The following RARB variants were observed in gnomAD, a reference collection of about 807,000 sequenced individuals.
RARB encodes the protein HBV-activated protein.
In RARB, 17 loss-of-function variants were observed where a neutral mutation model predicts 51.9. The ratio of observed to expected loss-of-function variants is 0.33; its 90% CI spans 0.22 to 0.49. The LOEUF (loss-of-function observed/expected upper bound fraction) is 0.49. Ranked by LOEUF, RARB falls within the 20% of genes least tolerant of loss-of-function variation. The probability of loss-of-function intolerance (pLI) is 0.99; values close to 1 mark genes in which losing one functional copy is unlikely to be tolerated. For missense variants in RARB, 369 were observed against 550.8 expected (o/e 0.67, Z 3.30); for synonymous variants, 215 against 195.4 (o/e 1.10, Z -0.84).
rs386396163 is a variant in RARB, at chr3:24,912,975, CTT to C, written c.-380+54244_-380+54245del. On this transcript the variant is annotated intron_variant, in intron 2 of 11. Transcript: ENST00000383772. Reference sequence around the variant, plus strand: ...GCAATACGCACACAAGGTACTGATTCTTTTTTTTTTTTTTTTTTTTTTGGAGA... The same window carrying C: ...GCAATACGCACACAAGGTACTGATTCTTTTTTTTTTTTTTTTTTTTGGAGA... 3.9e-3 allele frequency among the ~76,000 whole-genome samples: 289 copies of C among 75,016 alleles called. 1 individual carries two copies. Among genetic ancestry groups the C allele is most frequent in the African/African-American group, 8.6e-3 (191 of 22,230 alleles). 49.2% of individuals were successfully genotyped at this position (75,016 alleles called of 152,430 possible). A position where few individuals can be genotyped will look rare whatever the true frequency, so the allele number is the denominator to read the frequency against.
At chr3:25,549,529 C>A (rs888455974) in intron 3 of RARB, among the ~76,000 whole-genome samples, 3 of 152,110 alleles carry the variant, frequency 2.0e-5, no homozygotes, top group Admixed American at 2.0e-4. Context: ...AGTCACATGT[C>A]CTCCCTTTTA....
chr3:24,925,443 G>T (rs1184157486), intron 2 of RARB, among the ~76,000 whole-genome samples: 1 of 151,868 alleles, frequency 6.6e-6, no homozygotes, highest in Non-Finnish European at 1.5e-5. Flanking sequence ...AGGAATTTGA[G>T]ACCAGCCTGG....
chr3:24,997,011 T>C (rs963623487), intron 2 of RARB, among the ~76,000 whole-genome samples: 2 of 152,166 alleles, frequency 1.3e-5, no homozygotes, highest in Non-Finnish European at 2.9e-5. Flanking sequence ...TGTTTCTTTG[T>C]TGTTTTTCTA....
At chr3:25,134,752 T>C (rs888111805) in intron 4 of RARB, among the ~76,000 whole-genome samples, 1 of 152,062 alleles carries the variant, frequency 6.6e-6, no homozygotes, top group Non-Finnish European at 1.5e-5. Flanking sequence ...ACAGGGTTTA[T>C]GCTCTTTTCT....
chr3:25,243,218 T>C (rs1054247983), intron 5 of RARB, among the ~76,000 whole-genome samples: 2 of 152,224 alleles, frequency 1.3e-5, no homozygotes, highest in African/African-American at 4.8e-5. Flanking sequence ...GCTGAGATCA[T>C]GGGGTTTTCT....
chr3:25,514,607 G>T (rs1226234476), intron 3 of RARB, among the ~76,000 whole-genome samples: 1 of 151,758 alleles, frequency 6.6e-6, no homozygotes, highest in Non-Finnish European at 1.5e-5. Context: ...TTCTTTGCTT[G>T]TTTTTTTGGG....
chr3:25,338,575 A>G (rs954479929), intron 5 of RARB, among the ~76,000 whole-genome samples: 2 of 152,172 alleles, frequency 1.3e-5, no homozygotes, highest in Admixed American at 6.5e-5. Flanking sequence ...CCAGCCTGCT[A>G]GGAACCTCCC....
intron 3 of RARB, among the ~76,000 whole-genome samples, chr3:25,527,576 T>A (rs1052138232): frequency 6.6e-6 from 1 of 152,212 alleles, no homozygotes; most frequent in African/African-American, 2.4e-5. Context: ...ACCTTGGTAG[T>A]GTGTTATGTT....
chr3:25,522,152 G>A (rs17016626), intron 3 of RARB, among the ~76,000 whole-genome samples: 1 of 151,928 alleles, frequency 6.6e-6, no homozygotes, highest in South Asian at 2.1e-4. Context: ...AAGCAGAAGT[G>A]GTGGAGAAAA....
At chr3:24,835,186 T>A (rs1188288332) in intron 1 of RARB, among the ~76,000 whole-genome samples, 1 of 152,216 alleles carries the variant, frequency 6.6e-6, no homozygotes, top group Non-Finnish European at 1.5e-5. Context: ...GCATTCATCA[T>A]GTCAAACTTA....
At chr3:25,185,231 G>T (rs920590791) in intron 5 of RARB, among the ~76,000 whole-genome samples, 1 of 152,018 alleles carries the variant, frequency 6.6e-6, no homozygotes, top group African/African-American at 2.4e-5. Flanking sequence ...AAGTAAGCTT[G>T]CCCTGATGAA....
At chr3:24,844,798 A>G (rs1702466097) in intron 1 of RARB, among the ~76,000 whole-genome samples, 4 of 152,298 alleles carry the variant, frequency 2.6e-5, no homozygotes, top group Middle Eastern at 3.4e-3. Context: ...CTGCTTCCCC[A>G]GGGAGTTAGC....
intron 5 of RARB, among the ~76,000 whole-genome samples, chr3:25,244,925 A>G (rs1559520956): frequency 1.3e-5 from 2 of 152,170 alleles, no homozygotes; most frequent in African/African-American, 2.4e-5. Context: ...TCCCACTGTT[A>G]TTGTGTGGGA....
chr3:25,534,351 A>C (rs1459286121), intron 3 of RARB, among the ~76,000 whole-genome samples: 2 of 152,248 alleles, frequency 1.3e-5, no homozygotes, highest in Non-Finnish European at 2.9e-5. Flanking sequence ...TAAGTACTAC[A>C]TTCAATAAAT....
chr3:24,965,039 A>G (rs1449696782), intron 2 of RARB, among the ~76,000 whole-genome samples: 1 of 152,232 alleles, frequency 6.6e-6, no homozygotes, highest in African/African-American at 2.4e-5. Context: ...CTGGAACTAA[A>G]TTCTAGATTT....
At chr3:25,339,033 C>T (rs1705145042) in intron 5 of RARB, among the ~76,000 whole-genome samples, 1 of 152,160 alleles carries the variant, frequency 6.6e-6, no homozygotes, top group Non-Finnish European at 1.5e-5. Context: ...AGCAATAAAA[C>T]TTGCACTTGA....
intron 2 of RARB, among the ~76,000 whole-genome samples, chr3:25,013,456 A>G (rs1697440547): frequency 6.6e-6 from 1 of 151,982 alleles, no homozygotes; most frequent in African/African-American, 2.4e-5. Flanking sequence ...ATTCTTAACC[A>G]TCTCATCTTC....
intron 4 of RARB, among the ~76,000 whole-genome samples, chr3:25,168,835 A>G (rs73050366): frequency 0.08 from 12,207 of 152,228 alleles, 644 homozygotes; most frequent in Non-Finnish European, 0.12. Flanking sequence ...AAGGAAGCAT[A>G]AAATAAAATT....
At chr3:24,913,236 G>A (rs555519514) in intron 2 of RARB, among the ~76,000 whole-genome samples, 3 of 151,768 alleles carry the variant, frequency 2.0e-5, no homozygotes, top group South Asian at 2.1e-4. Context: ...TGCCCACCTT[G>A]GCCTCCCAAA....
Sources: allele counts gnomAD v4.1 joint callset (sites outside exome capture counted in the v4.1 genomes callset), GRCh38; gene constraint gnomAD v4.1.1; transcripts MANE v1.5; gene names NCBI Gene and HGNC (gene_info 2026-07-23, HGNC 2026-07-21).